LYPD6: variants seen among roughly 807,000 people sequenced by gnomAD.
LYPD6 encodes the protein ly6/PLAUR domain-containing protein 6.
A neutral mutation model predicts 22.7 loss-of-function variants in LYPD6; 15 were observed. The observed-to-expected ratio is 0.66, with a 90% CI of 0.44 to 1.02. The LOEUF (loss-of-function observed/expected upper bound fraction) is 1.02. LYPD6 is among the 50% of genes least tolerant of loss of function. LYPD6 has a pLI of 0.00. For missense variants in LYPD6, 189 were observed against 208.4 expected, an observed-to-expected ratio of 0.91 and a Z score of 0.57; for synonymous variants, 72 against 77.5, an observed-to-expected ratio of 0.93 and a Z score of 0.37.
At chr2:149,408,047 G>A (rs1012280596) in intron 1 of LYPD6, among the ~76,000 whole-genome samples, 1 of 152,102 alleles carries the variant, frequency 6.6e-6, no homozygotes, top group Non-Finnish European at 1.5e-5. Context: ...GCAAAACCGC[G>A]GATTTTCGTG....
intron 1 of LYPD6, among the ~76,000 whole-genome samples, chr2:149,399,514 G>T (rs1045478368): frequency 6.6e-6 from 1 of 151,772 alleles, no homozygotes; most frequent in East Asian, 1.9e-4. Flanking sequence ...TTTGGGGTAG[G>T]GTCTCTAGCT....
chr2:149,389,139 T>C (rs539731032), intron 1 of LYPD6, among the ~76,000 whole-genome samples: 1 of 152,342 alleles, frequency 6.6e-6, no homozygotes, highest in South Asian at 2.1e-4. Context: ...TAAAGACTTA[T>C]GAAATTGTAT....
chr2:149,362,795 A>C (rs1010517353), intron 1 of LYPD6, among the ~76,000 whole-genome samples: 2 of 152,144 alleles, frequency 1.3e-5, no homozygotes, highest in African/African-American at 4.8e-5. Flanking sequence ...AATGACATTA[A>C]TCCATTCCGA....
Position 149,468,557 on chromosome 2 carries a change from G to A in LYPD6, c.218-88G>A. The A allele has an allele frequency of 2.7e-6, 4 of 1,458,608 alleles. No homozygotes were observed. The South Asian group carries it at 5.1e-5, about 18-fold the overall frequency. 90.4% of individuals were successfully genotyped at this position (1,458,608 alleles called of 1,614,324 possible). The stretch of plus-strand genomic sequence containing the variant: ...CTTATGTGCTATTAGCTCTTTTCTG[G>A]AATGATAATGCTGACACTCCTGTTA... On this transcript the variant is annotated intron_variant, in intron 3 of 4. Transcript: ENST00000334166.
intron 1 of LYPD6, among the ~76,000 whole-genome samples, chr2:149,401,566 G>A (rs978999449): frequency 6.6e-6 from 1 of 152,058 alleles, no homozygotes; most frequent in Non-Finnish European, 1.5e-5. Context: ...CATATTCCCT[G>A]TCTTTTTCCA....
intron 1 of LYPD6, among the ~76,000 whole-genome samples, chr2:149,388,505 G>C (rs1682238356): frequency 1.3e-5 from 2 of 152,062 alleles, no homozygotes; most frequent in South Asian, 4.2e-4. Context: ...GAAGCACTGG[G>C]CTCTGTTGTT....
chr2:149,463,496 G>A (rs1681132134), intron 3 of LYPD6, among the ~76,000 whole-genome samples: 1 of 152,118 alleles, frequency 6.6e-6, no homozygotes, highest in African/African-American at 2.4e-5. Flanking sequence ...AACTAAACAT[G>A]CAACTACCAC....
chr2:149,379,641 C>T (rs925832305), intron 1 of LYPD6, among the ~76,000 whole-genome samples: 6 of 152,198 alleles, frequency 3.9e-5, no homozygotes, highest in African/African-American at 1.4e-4. Flanking sequence ...GGAAAGAGCC[C>T]TGAGCTCAGC....
At chr2:149,428,426 CT>C (rs1429311538) in intron 1 of LYPD6, among the ~76,000 whole-genome samples, 1 of 152,178 alleles carries the variant, frequency 6.6e-6, no homozygotes, top group Admixed American at 6.5e-5. Flanking sequence ...TTTTTTGACT[CT>C]CTCTCATCAC....
At chr2:149,430,031 C>T (rs1314218287) in intron 1 of LYPD6, among the ~76,000 whole-genome samples, 1 of 152,148 alleles carries the variant, frequency 6.6e-6, no homozygotes, top group East Asian at 1.9e-4. Context: ...AAAGTTGGCC[C>T]AGAGTCAAAA....
chr2:149,403,727 T>C (rs1682620704), intron 1 of LYPD6, among the ~76,000 whole-genome samples: 1 of 152,098 alleles, frequency 6.6e-6, no homozygotes, highest in East Asian at 1.9e-4. Flanking sequence ...GCAGAAGCTC[T>C]TTAGTTTAAT....
chr2:149,340,827 C>G (rs1268164629), intron 1 of LYPD6, among the ~76,000 whole-genome samples: 2 of 152,168 alleles, frequency 1.3e-5, no homozygotes, highest in African/African-American at 4.8e-5. Flanking sequence ...TTCTTGTCTT[C>G]TAAGAACATG....
chr2:149,469,612 A>G (rs949550277), intron 4 of LYPD6, among the ~76,000 whole-genome samples: 2 of 152,128 alleles, frequency 1.3e-5, no homozygotes, highest in African/African-American at 4.8e-5. Flanking sequence ...TGAATACACT[A>G]ATAATTAAAA....
intron 1 of LYPD6, among the ~76,000 whole-genome samples, chr2:149,380,223 A>T (rs894630652): frequency 6.6e-6 from 1 of 152,228 alleles, no homozygotes; most frequent in Non-Finnish European, 1.5e-5. Flanking sequence ...TCTTGATTAT[A>T]TAGTGTCTTG....
chr2:149,384,853 A>G (rs983972429), intron 1 of LYPD6, among the ~76,000 whole-genome samples: 1 of 151,464 alleles, frequency 6.6e-6, no homozygotes, highest in African/African-American at 2.4e-5. Flanking sequence ...AGCATTAGGT[A>G]TATCTCCTAA....
rs1334944279 is a variant in LYPD6, at chr2:149,398,424, TG to T, written c.-71-39213del. Among the ~76,000 whole-genome samples the T allele has an allele frequency of 3.8e-4, 55 of 145,462 alleles. 1 individual carries two copies. The highest frequency in any genetic ancestry group is 1.3e-3 in the African/African-American group (46 of 35,506). On this transcript the variant is annotated intron_variant, in intron 1 of 4. Coordinates refer to ENST00000334166, the MANE Select transcript of LYPD6 (RefSeq NM_194317.5). ...TAGCAAAGATGGCTTTGTGTGTGTG[TG>T]TGTGTGTGTGTGTGTGTGTGTGTAT... is the stretch of plus-strand genomic sequence containing the variant.
At chr2:149,343,168 A>G (rs1396968485) in intron 1 of LYPD6, among the ~76,000 whole-genome samples, 2 of 152,138 alleles carry the variant, frequency 1.3e-5, no homozygotes, top group Non-Finnish European at 2.9e-5. Context: ...CTCATTTCCT[A>G]TAGCTTCTGG....
Position 149,456,141 on chromosome 2 carries a change from G to A in LYPD6, c.217+6994G>A, listed in dbSNP as rs931691157. On this transcript the variant is annotated intron_variant, in intron 3 of 4. Coordinates refer to ENST00000334166, the MANE Select transcript of LYPD6 (RefSeq NM_194317.5). The stretch of plus-strand genomic sequence containing the variant: ...AAACAATAATCTGGTGCCTGAAAGC[G>A]GAGACTGTAGTAATTACTAATTAGG... Among the ~76,000 whole-genome samples the A allele has an allele frequency of 9.9e-5, 15 of 152,200 alleles. 1 individual carries two copies. The highest frequency in any genetic ancestry group is 7.8e-4 in the Admixed American group (12 of 15,288).
intron 2 of LYPD6, among the ~76,000 whole-genome samples, chr2:149,443,184 G>A (rs1020778038): frequency 6.6e-6 from 1 of 152,152 alleles, no homozygotes; most frequent in African/African-American, 2.4e-5. Flanking sequence ...AGTCTATTAA[G>A]TAATTCAAAT....
Sources: allele counts gnomAD v4.1 joint callset (sites outside exome capture counted in the v4.1 genomes callset), GRCh38; gene constraint gnomAD v4.1.1; transcripts MANE v1.5; gene names NCBI Gene and HGNC (gene_info 2026-07-23, HGNC 2026-07-21).